The following RBPJ variants were observed in gnomAD, a reference collection of about 807,000 sequenced individuals.
RBPJ encodes the protein recombining binding protein suppressor of hairless.
Under a neutral mutation model 67.8 loss-of-function variants are expected in RBPJ, and 9 were observed. That is an observed-to-expected ratio of 0.13 (90% CI 0.08 to 0.23). The LOEUF is 0.23. Among genes scored for constraint, RBPJ ranks in the 10% least tolerant of loss-of-function variants. RBPJ has a pLI of 1.00. For synonymous variants in RBPJ, 198 were observed against 203.3 expected, an observed-to-expected ratio of 0.97 and a Z score of 0.22; for missense variants, 305 against 595.6, an observed-to-expected ratio of 0.51 and a Z score of 5.08.
chr4:26,117,767 A>G, the RBPJ span, among the ~76,000 whole-genome samples: 1 of 152,178 alleles, frequency 6.6e-6, no homozygotes, highest in East Asian at 1.9e-4. Flanking sequence ...TGAAGAAGTA[A>G]CAAGTCAATA....
the RBPJ span, among the ~76,000 whole-genome samples, chr4:26,140,149 C>T: frequency 2.4e-3 from 360 of 152,240 alleles, 3 homozygotes; most frequent in African/African-American, 8.0e-3. Flanking sequence ...AACAGTACTA[C>T]GTAAATGTCA....
intron 1 of RBPJ, among the ~76,000 whole-genome samples, chr4:26,231,938 C>T (rs192588602): frequency 2.2e-3 from 333 of 151,906 alleles, no homozygotes; most frequent in African/African-American, 6.9e-3. Flanking sequence ...GTCGCCCAGG[C>T]TGGAGTGCAG....
chr4:26,295,526 C>G (rs1721842439), intron 1 of RBPJ, among the ~76,000 whole-genome samples: 1 of 151,910 alleles, frequency 6.6e-6, no homozygotes, highest in African/African-American at 2.4e-5. Context: ...GGATCAAAAC[C>G]CTGATGAGAT....
rs13116873 is a variant in RBPJ, at chr4:26,362,678, C to T, written c.21-23675C>T. The T allele has an allele frequency of 1.1e-4, 161 of 1,437,686 alleles. No individual in the cohort carries two copies. In the Admixed American group the frequency reaches 2.7e-3, roughly 24 times the overall value. The allele number at this position is 1,437,686 out of a possible 1,614,324, so 89.1% of individuals were successfully genotyped here. A position where few individuals can be genotyped will look rare whatever the true frequency, so the allele number is the denominator to read the frequency against. Reference sequence around the variant, plus strand: ...ACCCCAAGGTCATGGATAGAATGAACACTCATGATTCTGTATTTAGTTAAT... The same window carrying T: ...ACCCCAAGGTCATGGATAGAATGAATACTCATGATTCTGTATTTAGTTAAT... On this transcript the variant is annotated intron_variant, in intron 1 of 10. Transcript: ENST00000355476.
intron 1 of RBPJ, among the ~76,000 whole-genome samples, chr4:26,350,567 G>A (rs139287477): frequency 6.2e-4 from 95 of 152,144 alleles, no homozygotes; most frequent in African/African-American, 2.2e-3. Flanking sequence ...AACCTTGCTC[G>A]GGACAAAAAA....
intron 1 of RBPJ, among the ~76,000 whole-genome samples, chr4:26,210,650 G>T (rs1718351754): frequency 7.2e-6 from 1 of 139,560 alleles, no homozygotes; most frequent in Non-Finnish European, 1.5e-5. Context: ...CCTTAAGCCA[G>T]CTTTCTTTCT....
chr4:26,207,727 TG>T (rs1718219656), intron 1 of RBPJ, among the ~76,000 whole-genome samples: 1 of 152,174 alleles, frequency 6.6e-6, no homozygotes, highest in Non-Finnish European at 1.5e-5. Flanking sequence ...AAACAACGAT[TG>T]CATTTTTAGA....
chr4:26,430,676 T>C lies in RBPJ; in HGVS notation c.1149-16T>C. ...CTTTTTAAAGTGTTTTTAAGTGATT[T>C]CTATTTCCTCCTCAGGTGTGGAGAG... On this transcript the variant is annotated splice_polypyrimidine_tract_variant and intron_variant, in intron 10 of 10. Transcript: ENST00000355476. The surrounding 1 kb of genome is among the most constrained non-coding windows in gnomAD (Gnocchi z 4.1). 1 of 1,609,834 alleles carries C rather than the reference T, an allele frequency of 6.2e-7. No individual in the cohort carries two copies. Among genetic ancestry groups the C allele is most frequent in the South Asian group, 1.1e-5 (1 of 90,786 alleles).
At chr4:26,225,697 G>A (rs1035931784) in intron 1 of RBPJ, among the ~76,000 whole-genome samples, 1 of 152,008 alleles carries the variant, frequency 6.6e-6, no homozygotes, top group Admixed American at 6.6e-5. Context: ...CTTGTAGGGT[G>A]GGGGAAATAT....
chr4:26,322,674 TAC>T (rs5856937), intron 1 of RBPJ, among the ~76,000 whole-genome samples: 72,322 of 150,366 alleles, frequency 0.48, 17,711 homozygotes, highest in Admixed American at 0.54. Flanking sequence ...TATATATATA[TAC>T]ACACACACAC....
chr4:26,377,052 A>G (rs1203592010), intron 1 of RBPJ, among the ~76,000 whole-genome samples: 1 of 152,198 alleles, frequency 6.6e-6, no homozygotes, highest in East Asian at 1.9e-4. Flanking sequence ...TTTTTAAGGC[A>G]GTATAAATAT....
At chr4:26,301,741 G>A (rs1404597046) in intron 1 of RBPJ, among the ~76,000 whole-genome samples, 1 of 152,068 alleles carries the variant, frequency 6.6e-6, no homozygotes, top group African/African-American at 2.4e-5. Context: ...GCTAATCCCT[G>A]GAAGTAGGCA....
chr4:26,415,417 T>G (rs1734466059), intron 3 of RBPJ, 58 bp from the exon 4 acceptor site: 3 of 1,314,990 alleles, frequency 2.3e-6, no homozygotes, highest in Non-Finnish European at 3.2e-6. Flanking sequence ...AGGAAATGCT[T>G]TATTGAATCT....
chr4:26,141,321 A>C, the RBPJ span, among the ~76,000 whole-genome samples: 4 of 152,232 alleles, frequency 2.6e-5, no homozygotes, highest in Admixed American at 6.5e-5. Context: ...GAAAGAATGT[A>C]ACGGCAGGCC....
At chr4:26,118,987 C>T in the RBPJ span, among the ~76,000 whole-genome samples, 1 of 152,162 alleles carries the variant, frequency 6.6e-6, no homozygotes. Context: ...TGGAGTCCTC[C>T]ATAGCTGGGT....
intron 1 of RBPJ, among the ~76,000 whole-genome samples, chr4:26,255,599 G>C (rs542628775): frequency 0.052 from 7,734 of 148,688 alleles, 671 homozygotes; most frequent in African/African-American, 0.17. Flanking sequence ...TCGGGAGATC[G>C]AGACCATCCT....
chr4:26,110,948 T>C, the RBPJ span, among the ~76,000 whole-genome samples: 1 of 152,216 alleles, frequency 6.6e-6, no homozygotes, highest in Non-Finnish European at 1.5e-5. This position sits in a 1 kb window ranked among gnomAD's most constrained non-coding sequence, Gnocchi z 4.5. Flanking sequence ...AAGTCACTAA[T>C]GCCCTCTGAT....
intron 1 of RBPJ, among the ~76,000 whole-genome samples, chr4:26,203,138 G>A (rs1390967055): frequency 6.6e-6 from 1 of 152,166 alleles, no homozygotes; most frequent in Non-Finnish European, 1.5e-5. Context: ...TTGAGGTCCA[G>A]TCTTATCCCC....
At chr4:26,120,183 T>A in the RBPJ span, among the ~76,000 whole-genome samples, 1 of 152,086 alleles carries the variant, frequency 6.6e-6, no homozygotes, top group Admixed American at 6.6e-5. Context: ...ATAGACTCCG[T>A]CTCTCAAAAG....
Sources: gnomAD v4.1 joint callset for allele counts (sites outside exome capture counted in the v4.1 genomes callset) on GRCh38, gnomAD v4.1.1 for gene constraint, Gnocchi (gnomAD v3.1) non-coding constraint, MANE v1.5 for transcripts, NCBI Gene and HGNC (gene_info 2026-07-23, HGNC 2026-07-21) for gene names.